The following SEPSECS variants were observed in gnomAD, a reference collection of about 807,000 sequenced individuals.
SEPSECS encodes the protein Sep (O-phosphoserine) tRNA:Sec (selenocysteine) tRNA synthase.
Under a neutral mutation model 52.1 loss-of-function variants are expected in SEPSECS, and 42 were observed. The observed-to-expected ratio is 0.81, with a 90% CI of 0.63 to 1.04. The LOEUF (loss-of-function observed/expected upper bound fraction) is 1.04, where lower values mean the gene tolerates loss of function less well. SEPSECS is among the 50% of genes least tolerant of loss of function. The pLI, the probability that SEPSECS is intolerant of heterozygous loss-of-function variation, is 0.00. For synonymous variants in SEPSECS, 216 were observed against 211.4 expected, an observed-to-expected ratio of 1.02 and a Z score of -0.19; for missense variants, 590 against 610.6, an observed-to-expected ratio of 0.97 and a Z score of 0.36.
chr4:25,139,004 C>A (rs186973400), intron 8 of SEPSECS, among the ~76,000 whole-genome samples: 141 of 152,298 alleles, frequency 9.3e-4, no homozygotes, highest in African/African-American at 2.9e-3. Context: ...ATCAGTATTA[C>A]CTTAGGACCA....
intron 9 of SEPSECS, among the ~76,000 whole-genome samples, chr4:25,126,944 C>T (rs1445925568): frequency 5.9e-5 from 9 of 152,156 alleles, no homozygotes; most frequent in African/African-American, 2.2e-4. Context: ...GCGTGGGCCA[C>T]CAAACCCGAC....
chr4:25,156,326 C>T, intron 3 of SEPSECS, 131 bp from the exon 4 acceptor site: 1 of 744,036 alleles, frequency 1.3e-6, no homozygotes, highest in Non-Finnish European at 2.2e-6. Context: ...TGTACTCGCT[C>T]TTGGAAAGCT....
chr4:25,145,855 A>G (rs1711930936), intron 6 of SEPSECS, among the ~76,000 whole-genome samples: 1 of 152,194 alleles, frequency 6.6e-6, no homozygotes, highest in East Asian at 1.9e-4. Context: ...AACAAATGCA[A>G]AGTTTTACTT....
At chr4:25,155,949 G>T in intron 4 of SEPSECS, 88 bp downstream of exon 4, 2 of 1,272,244 alleles carry the variant, frequency 1.6e-6, no homozygotes, top group South Asian at 1.3e-5. Context: ...AAGAGAGTTA[G>T]TTTATTTTTC....
chr4:25,158,679 A>G (rs1026928629), intron 2 of SEPSECS, among the ~76,000 whole-genome samples: 2 of 152,182 alleles, frequency 1.3e-5, no homozygotes, highest in African/African-American at 4.8e-5. Context: ...TATTAGGGTA[A>G]CCGTTCCTAA....
Position 25,145,094 on chromosome 4 carries a change from A to G in SEPSECS, c.844T>C (p.Leu282=). 6.2e-7 allele frequency: 1 copy of G among 1,613,962 alleles called. No individual in the cohort carries two copies. Among genetic ancestry groups the G allele is most frequent in the South Asian group, 1.1e-5 (1 of 91,080 alleles). Residue 282 remains leucine, a synonymous_variant, in exon 7 of 11, where the codon TTG becomes CTG. Coordinates refer to ENST00000382103, the MANE Select transcript of SEPSECS (RefSeq NM_016955.4). ...ACTGGAACCATAAAATTTTTGTCCA[A>G]GCTCTGAACAAAAGCATCTATTCTA... is the stretch of plus-strand genomic sequence containing the variant. ...VGRIDAFVQS[L]DKNFMVPVGG... is the part of the protein sequence containing the mutation.
Position 25,154,994 on chromosome 4 carries a change from T to A in SEPSECS, c.701+4A>T. 1 of 1,613,896 alleles carries A rather than the reference T, an allele frequency of 6.2e-7. No homozygotes were observed. The highest frequency in any genetic ancestry group is 2.2e-5 in the East Asian group (1 of 44,876). ...CTAAAGGACAATATTCACAAATCATTTACCTATCAGGCACCCTTGGAGCAA... is the reference window on the plus strand; with the variant it reads ...CTAAAGGACAATATTCACAAATCATATACCTATCAGGCACCCTTGGAGCAA... On this transcript the variant is annotated splice_donor_region_variant and intron_variant, in intron 5 of 10. Transcript: ENST00000382103.
chr4:25,150,186 C>G (rs1712214763), intron 6 of SEPSECS, among the ~76,000 whole-genome samples: 1 of 152,174 alleles, frequency 6.6e-6, no homozygotes, highest in Non-Finnish European at 1.5e-5. Context: ...TATTGTGCTT[C>G]AGAGCATTTA....
rs780150434 is a variant in SEPSECS, at chr4:25,124,034, T to C, written c.1403A>G (p.Glu468Gly). The part of the protein sequence containing the change: ...LKAVRKERSK[E>G]SDDNYDKTED... ...AGTTTTGTCATAATTGTCATCACTC[T>C]CTTTACTTCGTTCTTTTCTTACTGC... The change falls in exon 11 of 11, where the codon GAG becomes GGG. Residue 468 changes from glutamate (E) to glycine (G), a missense_variant. Physicochemically the swap from Glu to Gly is moderately conservative, Grantham distance 98. Transcript: ENST00000382103. 6.2e-7 allele frequency: 1 copy of C among 1,613,832 alleles called. No individual in the cohort carries two copies. Among genetic ancestry groups the C allele is most frequent in the East Asian group, 2.2e-5 (1 of 44,876 alleles).
chr4:25,131,404 A>T (rs1246616588), intron 8 of SEPSECS, among the ~76,000 whole-genome samples: 1 of 152,238 alleles, frequency 6.6e-6, no homozygotes, highest in Non-Finnish European at 1.5e-5. Flanking sequence ...TTCAAAGATA[A>T]CATGAATGGA....
intron 6 of SEPSECS, among the ~76,000 whole-genome samples, chr4:25,146,226 T>C (rs538064269): frequency 6.6e-6 from 1 of 152,350 alleles, no homozygotes; most frequent in African/African-American, 2.4e-5. Context: ...GACCTTCATT[T>C]TCACACCTTG....
Position 25,157,568 on chromosome 4 carries a change from G to A in SEPSECS, c.270-594C>T, listed in dbSNP as rs566939245. On this transcript the variant is annotated intron_variant, in intron 2 of 10. Transcript: ENST00000382103. ...TTTTTTTTTTTTTTCGTTTTGAGAC[G>A]GAGTCTCGCTCTGTCGCCCAGGCTG... Among the ~76,000 whole-genome samples, 310 of 147,946 alleles carry A rather than the reference G, an allele frequency of 2.1e-3. 8 individuals are homozygous for A. Among genetic ancestry groups the A allele is most frequent in the Non-Finnish European group, 1.2e-3 (84 of 67,288 alleles).
In SEPSECS at chr4:25,145,944, C is replaced by T. The variant is rs573140087; in HGVS notation, c.805-811G>A. Among the ~76,000 whole-genome samples, 18 of 152,264 alleles carry T rather than the reference C, an allele frequency of 1.2e-4. 2 individuals are homozygous for T. In the South Asian group the frequency reaches 3.3e-3, roughly 28 times the overall value. On this transcript the variant is annotated intron_variant, in intron 6 of 10. Transcript: ENST00000382103. ...AATGTTTCTACATAACTCATGCTCC[C>T]TAATATTATAAACTTAGATTTCATT... is the stretch of plus-strand genomic sequence containing the variant.
In SEPSECS at chr4:25,144,879, G is replaced by A; in HGVS notation, c.935-14C>T. The A allele has an allele frequency of 6.2e-7, 1 of 1,603,536 alleles. No homozygotes were observed. Among genetic ancestry groups the A allele is most frequent in the South Asian group, 1.1e-5 (1 of 90,842 alleles). On this transcript the variant is annotated splice_polypyrimidine_tract_variant and intron_variant, in intron 7 of 10. Transcript: ENST00000382103. The stretch of plus-strand genomic sequence containing the variant: ...CTGAAGCTCTTCCTGAAATAAGAAG[G>A]ATAAGTTACATTAAGACTGTGGTGG...
intron 8 of SEPSECS, among the ~76,000 whole-genome samples, chr4:25,141,736 G>A (rs1711558822): frequency 6.6e-6 from 1 of 152,166 alleles, no homozygotes. Flanking sequence ...ATTTCACTCA[G>A]AATATGAGGC....
chr4:25,158,795 C>T lies in SEPSECS; in HGVS notation c.269+158G>A. The T allele has an allele frequency of 4.3e-6, 3 of 703,876 alleles. No individual in the cohort carries two copies. The South Asian group carries it at 5.5e-5, about 13-fold the overall frequency. 43.6% of individuals were successfully genotyped at this position (703,876 alleles called of 1,614,324 possible). A position where few individuals can be genotyped will look rare whatever the true frequency, so the allele number is the denominator to read the frequency against. ...GCACCTGCTGAGATAAAATTGTTTC[C>T]ATCTCCCTGTTGCATTTGGCTTACA... On this transcript the variant is annotated intron_variant, in intron 2 of 10. Coordinates refer to ENST00000382103, the MANE Select transcript of SEPSECS (RefSeq NM_016955.4).
chr4:25,129,820 T>A (rs1229578193), intron 8 of SEPSECS, among the ~76,000 whole-genome samples: 1 of 152,192 alleles, frequency 6.6e-6, no homozygotes, highest in Non-Finnish European at 1.5e-5. Context: ...AAGAGGAGGA[T>A]TCCTGGGTTT....
intron 8 of SEPSECS, among the ~76,000 whole-genome samples, chr4:25,134,700 T>C (rs1000432102): frequency 6.6e-6 from 1 of 152,210 alleles, no homozygotes; most frequent in Non-Finnish European, 1.5e-5. Flanking sequence ...CATTAGTTTA[T>C]TGTAGTAAAT....
At position 25,144,863 on chromosome 4, in the gene SEPSECS, T is replaced by C. The variant is rs770543320; in HGVS notation, c.937A>G (p.Arg313Gly). Residue 313 changes from arginine to glycine, a missense_variant and splice_region_variant, in exon 8 of 11, where the codon AGA becomes GGA. Transcript: ENST00000382103. ...IQEISKMYPG[R>G]ASASPSLDVL... The stretch of plus-strand genomic sequence containing the variant: ...TCTAAAGAAGGTGAAGCTGAAGCTC[T>C]TCCTGAAATAAGAAGGATAAGTTAC... 1.9e-6 allele frequency: 3 copies of C among 1,611,590 alleles called. No individual in the cohort carries two copies. The South Asian group carries it at 3.3e-5, about 18-fold the overall frequency.
Sources: gnomAD v4.1 joint callset for allele counts (sites outside exome capture counted in the v4.1 genomes callset) on GRCh38, gnomAD v4.1.1 for gene constraint, MANE v1.5 for transcripts, NCBI Gene and HGNC (gene_info 2026-07-23, HGNC 2026-07-21) for gene names.